Variants in PTPRD observed in about 807,000 individuals in gnomAD.
PTPRD encodes the protein protein tyrosine phosphatase receptor type D.
Under a neutral mutation model 214.5 loss-of-function variants are expected in PTPRD, and 34 were observed. That is an observed-to-expected ratio of 0.16 (90% CI 0.12 to 0.21). The LOEUF (loss-of-function observed/expected upper bound fraction) is 0.21. Among genes scored for constraint, PTPRD ranks in the 10% least tolerant of loss-of-function variants. The pLI, the probability that PTPRD is intolerant of heterozygous loss-of-function variation, is 1.00. For synonymous variants in PTPRD, 1,128 were observed against 845.7 expected (o/e 1.33, Z -5.79); for missense variants, 2,545 against 2,398.7 (o/e 1.06, Z -1.27).
At position 10,280,391 on chromosome 9, in the gene PTPRD, T is replaced by C. The variant is rs545956770; in HGVS notation, c.-545+60572A>G. Among the ~76,000 whole-genome samples the C allele has an allele frequency of 3.2e-3, 463 of 143,944 alleles. 6 individuals carry two copies. The highest frequency in any genetic ancestry group is 0.025 in the South Asian group (107 of 4,268). The allele number at this position is 143,944 out of a possible 152,430, so 94.4% of individuals were successfully genotyped here. A position where few individuals can be genotyped will look rare whatever the true frequency, so the allele number is the denominator to read the frequency against. ...ACACACACACACACACACACACACATGTGAGACATATATTCTAAGATGCCT... is the reference window on the plus strand; with the variant it reads ...ACACACACACACACACACACACACACGTGAGACATATATTCTAAGATGCCT... On this transcript the variant is annotated intron_variant, in intron 3 of 45. Coordinates refer to ENST00000381196, the MANE Select transcript of PTPRD (RefSeq NM_002839.4).
chr9:8,569,627 T>A (rs1246548204), intron 14 of PTPRD, among the ~76,000 whole-genome samples: 3 of 152,190 alleles, frequency 2.0e-5, no homozygotes, highest in African/African-American at 7.2e-5. Flanking sequence ...ACCTTGCAAT[T>A]TGGCTTATCG....
chr9:9,875,085 C>A (rs2066476285), intron 5 of PTPRD, among the ~76,000 whole-genome samples: 1 of 152,034 alleles, frequency 6.6e-6, no homozygotes, highest in African/African-American at 2.4e-5. Context: ...ATCAATAAGG[C>A]TTTTTATTGT....
intron 34 of PTPRD, chr9:8,438,698 G>C (rs1197999885): frequency 6.6e-6 from 1 of 152,132 alleles, no homozygotes; most frequent in Non-Finnish European, 1.5e-5. Context: ...AAGATGTTTA[G>C]ACCTTTTCGA....
At chr9:10,070,829 C>A (rs1371732035) in intron 3 of PTPRD, among the ~76,000 whole-genome samples, 1 of 151,772 alleles carries the variant, frequency 6.6e-6, no homozygotes, top group Non-Finnish European at 1.5e-5. Context: ...CTAAGCTATT[C>A]TATCAGGAAG....
rs149881213 is a variant in PTPRD, at chr9:9,407,828, T to C, written c.-236-10346A>G. Among the ~76,000 whole-genome samples the C allele has an allele frequency of 9.5e-4, 144 of 151,972 alleles. 1 individual carries two copies. Among genetic ancestry groups the C allele is most frequent in the African/African-American group, 3.3e-3 (139 of 41,562 alleles). ...TCCATAAAAGCTAGTTGCAATTGTATTACTATATTTATGATAAAAGAACTT... is the reference window on the plus strand; with the variant it reads ...TCCATAAAAGCTAGTTGCAATTGTACTACTATATTTATGATAAAAGAACTT... On this transcript the variant is annotated intron_variant, in intron 8 of 45. Transcript: ENST00000381196.
At chr9:9,635,973 T>G (rs2095753258) in intron 7 of PTPRD, among the ~76,000 whole-genome samples, 1 of 152,168 alleles carries the variant, frequency 6.6e-6, no homozygotes, top group East Asian at 1.9e-4. Context: ...CCATTGTTCT[T>G]AGGAAAAAGA....
At chr9:8,697,309 C>A (rs1225660412) in intron 12 of PTPRD, among the ~76,000 whole-genome samples, 2 of 151,652 alleles carry the variant, frequency 1.3e-5, no homozygotes, top group African/African-American at 2.4e-5. Flanking sequence ...TGAGATGGAT[C>A]ATGGGGCTCT....
chr9:10,278,513 T>C (rs1296304876), intron 3 of PTPRD, among the ~76,000 whole-genome samples: 1 of 152,130 alleles, frequency 6.6e-6, no homozygotes, highest in African/African-American at 2.4e-5. Context: ...AGATTCTAAG[T>C]AAGATTCCAC....
chr9:9,635,776 T>G (rs967350898), intron 7 of PTPRD, among the ~76,000 whole-genome samples: 2 of 152,188 alleles, frequency 1.3e-5, no homozygotes, highest in African/African-American at 4.8e-5. Flanking sequence ...AAAACACTCA[T>G]GCAAACCATC....
In PTPRD at chr9:10,019,415, T is replaced by A. The variant is rs544632909; in HGVS notation, c.-472+14303A>T. Among the ~76,000 whole-genome samples the A allele has an allele frequency of 2.2e-4, 33 of 152,210 alleles. No individual in the cohort carries two copies. In the East Asian group the frequency reaches 6.2e-3, roughly 29 times the overall value. Reference sequence around the variant, plus strand: ...CTAGAAATACCATTTGACCCAGCCATCCCATTACTGGGTATATACCCAAAG... The same window carrying A: ...CTAGAAATACCATTTGACCCAGCCAACCCATTACTGGGTATATACCCAAAG... On this transcript the variant is annotated intron_variant, in intron 4 of 45. Coordinates refer to ENST00000381196, the MANE Select transcript of PTPRD (RefSeq NM_002839.4).
chr9:10,116,170 G>A (rs1290752632), intron 3 of PTPRD, among the ~76,000 whole-genome samples: 5 of 152,026 alleles, frequency 3.3e-5, no homozygotes, highest in Non-Finnish European at 7.4e-5. Context: ...GACCATAGGA[G>A]GTTTGCAGTT....
chr9:8,446,725 G>A (rs1347183342), intron 34 of PTPRD, among the ~76,000 whole-genome samples: 1 of 152,176 alleles, frequency 6.6e-6, no homozygotes, highest in South Asian at 2.1e-4. Context: ...ATTTCAGAGA[G>A]TGAAATGTAA....
chr9:10,480,121 A>AAAAC (rs78563699), intron 2 of PTPRD, among the ~76,000 whole-genome samples: 86,717 of 151,452 alleles, frequency 0.57, 25,055 homozygotes, highest in Admixed American at 0.68. Flanking sequence ...GAGAAAACAA[A>AAAAC]AAACAAACAA....
intron 3 of PTPRD, among the ~76,000 whole-genome samples, chr9:10,169,457 G>C (rs923107037): frequency 2.6e-5 from 3 of 116,828 alleles, no homozygotes; most frequent in Non-Finnish European, 4.7e-5. Context: ...CTGGGCGAAA[G>C]AGCGAGACTC....
chr9:9,977,733 T>C (rs971841301), intron 4 of PTPRD, among the ~76,000 whole-genome samples: 1 of 152,138 alleles, frequency 6.6e-6, no homozygotes, highest in African/African-American at 2.4e-5. Flanking sequence ...GTTATTTTGC[T>C]TTGAGTTATT....
At chr9:8,812,578 G>A (rs1159854082) in intron 11 of PTPRD, among the ~76,000 whole-genome samples, 3 of 152,052 alleles carry the variant, frequency 2.0e-5, no homozygotes, top group Non-Finnish European at 4.4e-5. Context: ...GAGAGGCAGG[G>A]GTTGGAGAAA....
chr9:8,714,377 T>G lies in PTPRD; in HGVS notation c.64+19403A>C, dbSNP rs535834838. On this transcript the variant is annotated intron_variant, in intron 12 of 45. Transcript: ENST00000381196. ...TTATTCTGCCCTTTGCAGACACTAG[T>G]CATATTCCTTTGAGCCTTGGCACAA... Among the ~76,000 whole-genome samples the G allele has an allele frequency of 3.9e-5, 6 of 152,228 alleles. No homozygotes were observed. The South Asian group carries it at 1.2e-3, about 32-fold the overall frequency.
chr9:9,396,586 T>C (rs113380700), intron 9 of PTPRD, among the ~76,000 whole-genome samples: 5 of 152,114 alleles, frequency 3.3e-5, no homozygotes, highest in African/African-American at 1.2e-4. Context: ...GCCTTCAAAA[T>C]TGTTATCTTC....
At chr9:8,603,788 A>C (rs1385921715) in intron 14 of PTPRD, among the ~76,000 whole-genome samples, 2 of 152,220 alleles carry the variant, frequency 1.3e-5, no homozygotes, top group Admixed American at 1.3e-4. Context: ...CTTTGGAGGA[A>C]ACAAACAATT....
Sources: gnomAD v4.1 joint callset for allele counts (sites outside exome capture counted in the v4.1 genomes callset) on GRCh38, gnomAD v4.1.1 for gene constraint, MANE v1.5 for transcripts, NCBI Gene and HGNC (gene_info 2026-07-23, HGNC 2026-07-21) for gene names.